The following FAM20A variants were observed in gnomAD, a reference collection of about 807,000 sequenced individuals.
The protein encoded by FAM20A is pseudokinase FAM20A.
A neutral mutation model predicts 52.0 loss-of-function variants in FAM20A; 42 were observed. That is an observed-to-expected ratio of 0.81 (90% CI 0.63 to 1.04). The LOEUF is 1.04. Ranked by LOEUF, FAM20A falls within the 50% of genes least tolerant of loss-of-function variation. The pLI, the probability that FAM20A is intolerant of heterozygous loss-of-function variation, is 0.00. For synonymous variants in FAM20A, 304 were observed against 298.9 expected (o/e 1.02, Z -0.18); for missense variants, 742 against 712.7 (o/e 1.04, Z -0.47).
At chr17:68,555,476 A>G in intron 2 of FAM20A, 83 bp downstream of exon 2, 1 of 1,491,160 alleles carries the variant, frequency 6.7e-7, no homozygotes, top group Non-Finnish European at 9.3e-7. Context: ...CTAATGTTCC[A>G]CTCTGGAGCC....
chr17:68,600,210 G>A lies in FAM20A; in HGVS notation c.404+53C>T. On this transcript the variant is annotated intron_variant, in intron 1 of 10. Transcript: ENST00000592554. This position sits in a 1 kb window ranked among gnomAD's most constrained non-coding sequence, Gnocchi z 6.2. ...TCAGGAAACTCGAGACTGGGGCGCG[G>A]GGAGGCCCCGGCCAGAGCGCCCGCT... The A allele has an allele frequency of 6.5e-7, 1 of 1,538,356 alleles. No homozygotes were observed.
chr17:68,554,216 C>G (rs1313948167), intron 3 of FAM20A, among the ~76,000 whole-genome samples: 2 of 151,928 alleles, frequency 1.3e-5, no homozygotes, highest in Non-Finnish European at 2.9e-5. Flanking sequence ...CTGCAAACTC[C>G]ACCTCCCAGG....
intron 1 of FAM20A, among the ~76,000 whole-genome samples, chr17:68,557,028 C>T (rs565069890): frequency 2.6e-5 from 4 of 151,680 alleles, no homozygotes; most frequent in African/African-American, 4.8e-5. Flanking sequence ...GATAAAGCCC[C>T]GTCTCTACTA....
rs765838425 is a variant in FAM20A at position 68,537,688 on chromosome 17, CTGTAGTCAGCT to C, written c.1404_1414del (p.Ala469ThrfsTer20). ...TGATTCTCGCATCACATCGCTGAGT[CTGTAGTCAGCT>C]TGGGCCAGCAGCTGCAGGTGCAAAA... On this transcript the variant is annotated frameshift_variant, in exon 11 of 11. Coordinates refer to ENST00000592554, the MANE Select transcript of FAM20A (RefSeq NM_017565.4). LOFTEE classifies it low-confidence loss of function (END_TRUNC). This position sits in a 1 kb window ranked among gnomAD's most constrained non-coding sequence, Gnocchi z 4.2. The C allele has an allele frequency of 4.3e-6, 7 of 1,613,610 alleles. No homozygotes were observed. The highest frequency in any genetic ancestry group is 5.9e-6 in the Non-Finnish European group (7 of 1,179,814).
Position 68,539,931 on chromosome 17 carries a change from T to C in FAM20A, c.1255A>G (p.Lys419Glu). 1.2e-6 allele frequency: 2 copies of C among 1,614,166 alleles called. No individual in the cohort carries two copies. The highest frequency in any genetic ancestry group is 1.7e-6 in the Non-Finnish European group (2 of 1,180,014). ...ATAAGGAACCCATCATCCCCGAACT[T>C]GGTGAACATCTCATAATGGTGCCGG... ...MDRHHYEMFT[K>E]FGDDGFLIHL... Residue 419 changes from lysine to glutamate, a missense_variant, in exon 9 of 11, where the codon AAG becomes GAG. Lys to Glu is a moderately conservative substitution (Grantham distance 56). Transcript: ENST00000592554.
chr17:68,596,971 T>C (rs372279256), intron 1 of FAM20A, among the ~76,000 whole-genome samples: 2 of 152,192 alleles, frequency 1.3e-5, no homozygotes, highest in East Asian at 3.8e-4. Context: ...AATCAACACA[T>C]CTTCCCATTT....
chr17:68,565,687 C>T (rs998098269), intron 1 of FAM20A, among the ~76,000 whole-genome samples: 2 of 152,128 alleles, frequency 1.3e-5, no homozygotes, highest in African/African-American at 4.8e-5. Flanking sequence ...AGCCATCATG[C>T]CCAGCCATCC....
intron 1 of FAM20A, among the ~76,000 whole-genome samples, chr17:68,556,988 C>T (rs1323427301): frequency 1.3e-5 from 2 of 151,792 alleles, no homozygotes; most frequent in Non-Finnish European, 2.9e-5. Context: ...CACCTGAGGT[C>T]AGGAGTTTGA....
chr17:68,596,766 C>T (rs768383528), intron 1 of FAM20A, among the ~76,000 whole-genome samples: 1 of 152,150 alleles, frequency 6.6e-6, no homozygotes, highest in Non-Finnish European at 1.5e-5. Context: ...TGGAGCCTGG[C>T]GTTGGCTGGC....
At chr17:68,583,514 T>C (rs1458580250) in intron 1 of FAM20A, among the ~76,000 whole-genome samples, 3 of 152,206 alleles carry the variant, frequency 2.0e-5, no homozygotes, top group Non-Finnish European at 4.4e-5. Flanking sequence ...GCATTCCTCA[T>C]ATAAGGACAC....
chr17:68,559,297 A>G (rs1204069049), intron 1 of FAM20A, among the ~76,000 whole-genome samples: 1 of 152,214 alleles, frequency 6.6e-6, no homozygotes, highest in African/African-American at 2.4e-5. Context: ...GATCTAGAAA[A>G]CTATTCATAC....
chr17:68,581,351 T>TTTCTTTCC (rs1555831908), intron 1 of FAM20A, among the ~76,000 whole-genome samples: 1 of 24,912 alleles, frequency 4.0e-5, no homozygotes, highest in Non-Finnish European at 9.1e-5. Context: ...AAATGCAGTT[T>TTTCTTTCC]TTCTTTCTTT....
intron 4 of FAM20A, among the ~76,000 whole-genome samples, chr17:68,546,823 A>C (rs2086592962): frequency 7.8e-6 from 1 of 128,222 alleles, no homozygotes; most frequent in Admixed American, 8.8e-5. Context: ...GTGCGAGACT[A>C]CGGCTCAAAA....
At chr17:68,572,593 G>A (rs1466730786) in intron 1 of FAM20A, among the ~76,000 whole-genome samples, 2 of 152,042 alleles carry the variant, frequency 1.3e-5, no homozygotes, top group East Asian at 3.9e-4. Flanking sequence ...CGTTTGTGCC[G>A]GCTGCCTGTG....
chr17:68,541,163 G>A lies in FAM20A; in HGVS notation c.1110-205C>T, dbSNP rs2286560. ...GGTGAGAAGGTCCTGGGTCCTTTAA[G>A]TCTGGTGGACACTAAACCCATGGTT... On this transcript the variant is annotated intron_variant, in intron 7 of 10. Coordinates refer to ENST00000592554, the MANE Select transcript of FAM20A (RefSeq NM_017565.4). The A allele has an allele frequency of 0.19, 121,149 of 645,160 alleles. 13,161 individuals are homozygous for A. The highest frequency in any genetic ancestry group is 0.42 in the East Asian group (13,458 of 32,214). 40.0% of individuals were successfully genotyped at this position (645,160 alleles called of 1,614,324 possible).
chr17:68,589,144 C>T (rs1171455191), intron 1 of FAM20A, among the ~76,000 whole-genome samples: 1 of 152,236 alleles, frequency 6.6e-6, no homozygotes, highest in Non-Finnish European at 1.5e-5. Flanking sequence ...TTTTGCAACC[C>T]TGTTGCCACT....
At chr17:68,550,369 CTTTTTTTTTTT>C (rs747654899) in intron 4 of FAM20A, among the ~76,000 whole-genome samples, 3 of 79,390 alleles carry the variant, frequency 3.8e-5, no homozygotes, top group African/African-American at 5.3e-5. Flanking sequence ...AATGGGGGAA[CTTTTTTTTTTT>C]TTTTTTTTTT....
chr17:68,597,773 G>A (rs962416175), intron 1 of FAM20A, among the ~76,000 whole-genome samples: 16 of 152,068 alleles, frequency 1.1e-4, no homozygotes, highest in African/African-American at 3.9e-4. Flanking sequence ...CAATTAGCAA[G>A]GTCCTTCATT....
At position 68,600,558 on chromosome 17, in the gene FAM20A, G is replaced by C. The variant is rs1251172703; in HGVS notation, c.109C>G (p.Pro37Ala). The change falls in exon 1 of 11, where the codon CCT becomes GCT. Residue 37 changes from proline (P) to alanine (A), a missense_variant. Transcript: ENST00000592554. This position sits in a 1 kb window ranked among gnomAD's most constrained non-coding sequence, Gnocchi z 6.2. ...LWPQVQRQLR[P>A]RERPRGCPCT... is the part of the protein sequence containing the mutation. ...GGGCACCCCCGCGGGCGCTCCCGAG[G>C]CCGCAGCTGGCGCTGTACTTGGGGC... 1.3e-6 allele frequency: 2 copies of C among 1,556,556 alleles called. No individual in the cohort carries two copies. The highest frequency in any genetic ancestry group is 1.7e-6 in the Non-Finnish European group (2 of 1,151,238).
Sources: gnomAD v4.1 joint callset for allele counts (sites outside exome capture counted in the v4.1 genomes callset) on GRCh38, gnomAD v4.1.1 for gene constraint, Gnocchi (gnomAD v3.1) non-coding constraint, MANE v1.5 for transcripts, NCBI Gene and HGNC (gene_info 2026-07-23, HGNC 2026-07-21) for gene names.